Variants in ANO1 observed in about 807,000 individuals in gnomAD.
The protein encoded by ANO1 is anoctamin-1.
ANO1 carries 59 observed loss-of-function variants against 124.0 expected under a neutral mutation model. The observed-to-expected ratio is 0.48, with a 90% CI of 0.39 to 0.59. The LOEUF is 0.59. Among genes scored for constraint, ANO1 ranks in the 20% least tolerant of loss-of-function variants. ANO1 has a pLI of 0.00. For synonymous variants in ANO1, 529 were observed against 532.0 expected (o/e 0.99, Z 0.08); for missense variants, 1,059 against 1,328.0 (o/e 0.80, Z 3.15).
At chr11:70,017,496 T>TTCCCTCCC (rs71046570) in intron 1 of ANO1, among the ~76,000 whole-genome samples, 8 of 133,890 alleles carry the variant, frequency 6.0e-5, no homozygotes, top group African/African-American at 2.0e-4. Flanking sequence ...CCTCCTTTAC[T>TTCCCTCCC]TCCCTCCCTC....
At chr11:69,986,784 A>T (rs1554996925) in intron 1 of ANO1, among the ~76,000 whole-genome samples, 1 of 152,180 alleles carries the variant, frequency 6.6e-6, no homozygotes, top group Non-Finnish European at 1.5e-5. Flanking sequence ...ATTTTAAAAT[A>T]AATGACCCAA....
chr11:70,029,641 G>A (rs1457928678), intron 1 of ANO1, among the ~76,000 whole-genome samples: 4 of 152,238 alleles, frequency 2.6e-5, no homozygotes, highest in Non-Finnish European at 5.9e-5. Flanking sequence ...TGTGTGTCCC[G>A]CTTCCTGCAA....
intron 1 of ANO1, among the ~76,000 whole-genome samples, chr11:70,042,988 G>A (rs1476486896): frequency 6.6e-6 from 1 of 152,114 alleles, no homozygotes; most frequent in Non-Finnish European, 1.5e-5. Flanking sequence ...GCAAAGAAGT[G>A]AGAGAATATG....
intron 10 of ANO1, among the ~76,000 whole-genome samples, chr11:70,128,885 C>T (rs900793686): frequency 5.3e-5 from 8 of 152,206 alleles, no homozygotes; most frequent in South Asian, 2.1e-4. Flanking sequence ...CCTAGGAGAG[C>T]GGTAGGGCTC....
intron 22 of ANO1, among the ~76,000 whole-genome samples, chr11:70,176,858 T>G (rs917996727): frequency 6.6e-6 from 1 of 152,160 alleles, no homozygotes; most frequent in Non-Finnish European, 1.5e-5. Context: ...GGAATGTGCG[T>G]CAGAATAACT....
At chr11:69,980,611 A>G in the ANO1 span, among the ~76,000 whole-genome samples, 2 of 151,250 alleles carry the variant, frequency 1.3e-5, no homozygotes, top group East Asian at 2.0e-4. Context: ...ACAGAGTAAG[A>G]CTGTCTCAAA....
At chr11:70,139,346 G>A (rs1043764959) in intron 11 of ANO1, among the ~76,000 whole-genome samples, 2 of 151,400 alleles carry the variant, frequency 1.3e-5, no homozygotes, top group East Asian at 1.9e-4. Flanking sequence ...TAGTAGAGAC[G>A]GTGTCTCACT....
rs1468240130 is a variant in ANO1 at position 70,000,071 on chromosome 11, A to G, written c.58+13905A>G. ...AGGAAGGAACTTACAGAGGACTCCC[A>G]GGGGAATTCCCATAAGAAAACCTTT... On this transcript the variant is annotated intron_variant, in intron 1 of 27. Transcript: ENST00000531349. Among the ~76,000 whole-genome samples the G allele has an allele frequency of 4.6e-5, 7 of 152,326 alleles. No homozygotes were observed. The South Asian group carries it at 8.3e-4, about 18-fold the overall frequency.
chr11:70,156,137 C>T, intron 15 of ANO1, 149 bp downstream of exon 15: 1 of 834,896 alleles, frequency 1.2e-6, no homozygotes, highest in South Asian at 2.4e-5. Context: ...CCAGTGAGCC[C>T]AGCATGTTGC....
At chr11:69,977,167 T>C in the ANO1 span, among the ~76,000 whole-genome samples, 1 of 152,080 alleles carries the variant, frequency 6.6e-6, no homozygotes, top group African/African-American at 2.4e-5. Context: ...GGGGGACAGG[T>C]GTAGCCCCCC....
rs1254577099 is a variant in ANO1, at chr11:70,078,567, G to C, written c.-40G>C. 2.9e-6 allele frequency: 4 copies of C among 1,385,700 alleles called. No homozygotes were observed. Among genetic ancestry groups the C allele is most frequent in the South Asian group, 2.6e-5 (2 of 76,686 alleles). The allele number at this position is 1,385,700 out of a possible 1,614,324, so 85.8% of individuals were successfully genotyped here. ...AGGCCGCCGGGGCCGTGGATGGGGAGGGCGCGCCGCCCGGCGGTCCCAGCG... is the reference window on the plus strand; with the variant it reads ...AGGCCGCCGGGGCCGTGGATGGGGACGGCGCGCCGCCCGGCGGTCCCAGCG... On this transcript the variant is annotated 5_prime_UTR_variant, in exon 1 of 26. Coordinates refer to ENST00000355303, the MANE Select transcript of ANO1 (RefSeq NM_018043.7).
intron 1 of ANO1, among the ~76,000 whole-genome samples, chr11:70,082,601 G>T (rs964257170): frequency 1.3e-5 from 2 of 152,176 alleles, no homozygotes; most frequent in Admixed American, 1.3e-4. Flanking sequence ...CTCAGCAAAG[G>T]TGCACCGAGG....
chr11:70,155,486 C>T (rs1171677206), intron 14 of ANO1, among the ~76,000 whole-genome samples: 2 of 152,224 alleles, frequency 1.3e-5, no homozygotes, highest in African/African-American at 2.4e-5. Context: ...AGCTATGGCA[C>T]TGAATTCATT....
chr11:70,068,613 T>C (rs1210848839), intron 1 of ANO1, among the ~76,000 whole-genome samples: 1 of 151,558 alleles, frequency 6.6e-6, no homozygotes, highest in Non-Finnish European at 1.5e-5. Flanking sequence ...GGAAGGAGGG[T>C]CACAGCTCCC....
At chr11:70,160,034 C>T (rs2047983986) in intron 16 of ANO1, among the ~76,000 whole-genome samples, 1 of 152,134 alleles carries the variant, frequency 6.6e-6, no homozygotes. Context: ...AAGCTGCAGA[C>T]ACCCTCTGGG....
intron 1 of ANO1, among the ~76,000 whole-genome samples, chr11:70,082,457 G>A (rs2044229735): frequency 6.6e-6 from 1 of 152,222 alleles, no homozygotes; most frequent in Non-Finnish European, 1.5e-5. Flanking sequence ...CTACTTGGGA[G>A]GCAGAGGCAC....
intron 22 of ANO1, among the ~76,000 whole-genome samples, chr11:70,178,125 C>A (rs2048796704): frequency 6.6e-6 from 1 of 152,240 alleles, no homozygotes; most frequent in Non-Finnish European, 1.5e-5. Context: ...AGACACCAAG[C>A]TAGACCCAGA....
intron 1 of ANO1, among the ~76,000 whole-genome samples, chr11:70,043,479 G>A (rs191796374): frequency 1.3e-5 from 2 of 152,062 alleles, no homozygotes; most frequent in African/African-American, 2.4e-5. Context: ...AATCTAAAAA[G>A]CTTAATACAT....
intron 19 of ANO1, chr11:70,163,689 C>T: frequency 1.9e-6 from 1 of 526,624 alleles, no homozygotes; most frequent in Non-Finnish European, 3.3e-6. Context: ...GTAATCCCAG[C>T]ACTTTGGGAG....
Sources: gnomAD v4.1 joint callset for allele counts (sites outside exome capture counted in the v4.1 genomes callset) on GRCh38, gnomAD v4.1.1 for gene constraint, MANE v1.5 for transcripts, NCBI Gene and HGNC (gene_info 2026-07-23, HGNC 2026-07-21) for gene names.